Variants in DENND1A observed in about 807,000 individuals in gnomAD.
The protein encoded by DENND1A is DENN domain containing 1A.
In DENND1A, 51 loss-of-function variants were observed where a neutral mutation model predicts 113.7. The observed-to-expected ratio is 0.45, with a 90% CI of 0.36 to 0.57. The LOEUF (loss-of-function observed/expected upper bound fraction) is 0.57. Ranked by LOEUF, DENND1A falls within the 20% of genes least tolerant of loss-of-function variation. The pLI, the probability that DENND1A is intolerant of heterozygous loss-of-function variation, is 0.00. For synonymous variants in DENND1A, 565 were observed against 570.8 expected (o/e 0.99, Z 0.14); for missense variants, 1,258 against 1,395.9 (o/e 0.90, Z 1.57).
Position 123,929,865 on chromosome 9 carries a change from T to TCCGCCCGGCCCGGCC in DENND1A, c.17+9_17+23dup, listed in dbSNP as rs1857736124. On this transcript the variant is annotated intron_variant, in intron 1 of 23. Transcript: ENST00000394215. ...CTCGCCGCCCCGCGCCCGGCCCGGC[T>TCCGCCCGGCCCGGCC]CCGCCCGGCCCGGCCGCACTCACTT... is the stretch of plus-strand genomic sequence containing the variant. The TCCGCCCGGCCCGGCC allele has an allele frequency of 1.6e-5, 4 of 256,934 alleles. No homozygotes were observed. In the South Asian group the frequency reaches 3.4e-4, roughly 22 times the overall value. The allele number at this position is 256,934 out of a possible 1,614,324, so 15.9% of individuals were successfully genotyped here.
intron 12 of DENND1A, among the ~76,000 whole-genome samples, chr9:123,559,997 C>G (rs959288396): frequency 8.4e-6 from 1 of 118,574 alleles, no homozygotes; most frequent in Non-Finnish European, 1.6e-5. Flanking sequence ...CAAGGTTCGT[C>G]CATGTTGTAG....
chr9:123,845,470 G>A (rs894732789), intron 2 of DENND1A, among the ~76,000 whole-genome samples: 3 of 151,814 alleles, frequency 2.0e-5, no homozygotes, highest in Non-Finnish European at 4.4e-5. Flanking sequence ...TTCAAGACCA[G>A]CCTGGCCAAA....
chr9:123,398,726 C>T (rs978869705), intron 21 of DENND1A, among the ~76,000 whole-genome samples: 7 of 151,040 alleles, frequency 4.6e-5, no homozygotes, highest in Admixed American at 1.3e-4. Context: ...TTACCTATAC[C>T]TGGCAGACCA....
intron 3 of DENND1A, among the ~76,000 whole-genome samples, chr9:123,787,765 T>C (rs1832406031): frequency 6.6e-6 from 1 of 152,190 alleles, no homozygotes; most frequent in South Asian, 2.1e-4. Flanking sequence ...ATAGGCAATA[T>C]AAAACCTTAA....
intron 5 of DENND1A, among the ~76,000 whole-genome samples, chr9:123,744,716 G>T (rs1189277091): frequency 6.7e-6 from 1 of 149,220 alleles, no homozygotes; most frequent in Non-Finnish European, 1.5e-5. Flanking sequence ...TATACTATGT[G>T]ATGTGGTGAG....
chr9:123,809,940 G>A (rs1439539707), intron 2 of DENND1A, among the ~76,000 whole-genome samples: 1 of 152,178 alleles, frequency 6.6e-6, no homozygotes, highest in Non-Finnish European at 1.5e-5. Flanking sequence ...CTCCCAAAGT[G>A]CTGGGATTTA....
intron 12 of DENND1A, among the ~76,000 whole-genome samples, chr9:123,574,402 T>C (rs1385651321): frequency 2.0e-5 from 3 of 152,184 alleles, no homozygotes; most frequent in African/African-American, 7.2e-5. Context: ...AATTCTTTAA[T>C]AGAAATAGTG....
rs914854979 is a variant in DENND1A at position 123,382,099 on chromosome 9, G to A, written c.2546C>T (p.Pro849Leu). 5.8e-6 allele frequency: 9 copies of A among 1,552,124 alleles called. No homozygotes were observed. Among genetic ancestry groups the A allele is most frequent in the South Asian group, 1.2e-5 (1 of 81,104 alleles). ...SSDALLALLD[P>L]LSTAWSGSTL... Reference sequence around the variant, plus strand: ...GCTGCCTGACCAGGCTGTGCTGAGCGGGTCCAGGAGGGCGAGCAGGGCGTC... The same window carrying A: ...GCTGCCTGACCAGGCTGTGCTGAGCAGGTCCAGGAGGGCGAGCAGGGCGTC... Residue 849 changes from proline (P) to leucine (L), a missense_variant, in exon 24 of 24, where the codon CCG (proline) becomes CTG (leucine). Physicochemically the swap from Pro to Leu is moderately conservative, Grantham distance 98. This residue lies in a region of DENND1A where 1,159 missense variants were observed against 1,231.7 expected (regional missense o/e 0.94). Coordinates refer to ENST00000394215, the MANE Select transcript of DENND1A (RefSeq NM_001352964.2).
intron 1 of DENND1A, among the ~76,000 whole-genome samples, chr9:123,913,772 G>A (rs1214041913): frequency 6.6e-6 from 1 of 151,756 alleles, no homozygotes; most frequent in Non-Finnish European, 1.5e-5. Context: ...AGCCATGGTG[G>A]TGCATGCCTG....
At chr9:123,397,605 C>T (rs539756834) in intron 21 of DENND1A, among the ~76,000 whole-genome samples, 1 of 152,298 alleles carries the variant, frequency 6.6e-6, no homozygotes, top group Admixed American at 6.5e-5. Flanking sequence ...TACAGAGACA[C>T]ACGGAACAAG....
At chr9:123,769,662 G>T (rs1048064596) in intron 3 of DENND1A, 99 bp from the exon 4 acceptor site, 29 of 965,396 alleles carry the variant, frequency 3.0e-5, no homozygotes, top group Non-Finnish European at 4.2e-5. Flanking sequence ...TAAAGAAAGA[G>T]GAGACAGATG....
intron 2 of DENND1A, among the ~76,000 whole-genome samples, chr9:123,806,504 G>A (rs566202025): frequency 6.6e-6 from 1 of 152,216 alleles, no homozygotes; most frequent in South Asian, 2.1e-4. Flanking sequence ...TGATCTGCCC[G>A]CCTCGGTCTC....
intron 2 of DENND1A, among the ~76,000 whole-genome samples, chr9:123,830,790 C>T (rs1435982955): frequency 6.8e-6 from 1 of 146,998 alleles, no homozygotes; most frequent in Non-Finnish European, 1.5e-5. Context: ...CACTTGAACC[C>T]GGGAGGCAGA....
chr9:123,740,942 G>GAGAGAGAGAA (rs2068971187), intron 5 of DENND1A, among the ~76,000 whole-genome samples: 1 of 146,670 alleles, frequency 6.8e-6, no homozygotes, highest in Non-Finnish European at 1.5e-5. Flanking sequence ...GAGAGAGAGA[G>GAGAGAGAGAA]TATGGACAGG....
At chr9:123,617,240 G>C (rs1410763933) in intron 10 of DENND1A, among the ~76,000 whole-genome samples, 2 of 152,204 alleles carry the variant, frequency 1.3e-5, no homozygotes, top group Non-Finnish European at 2.9e-5. Context: ...TCCATGAGGA[G>C]ACCAGGAATA....
intron 3 of DENND1A, among the ~76,000 whole-genome samples, chr9:123,779,126 T>C (rs1314610058): frequency 1.3e-5 from 2 of 152,204 alleles, no homozygotes; most frequent in South Asian, 2.1e-4. Context: ...TCATGCTCTA[T>C]GGATAATGGA....
intron 2 of DENND1A, among the ~76,000 whole-genome samples, chr9:123,870,284 T>C (rs2133407386): frequency 6.6e-6 from 1 of 151,688 alleles, no homozygotes; most frequent in South Asian, 2.1e-4. Flanking sequence ...TTTTTTTTTT[T>C]TCTGAGATGG....
At chr9:123,482,961 A>G (rs142247817) in intron 13 of DENND1A, among the ~76,000 whole-genome samples, 1 of 152,280 alleles carries the variant, frequency 6.6e-6, no homozygotes, top group East Asian at 1.9e-4. Flanking sequence ...GGGAACCCTA[A>G]AATTTGGGTG....
intron 2 of DENND1A, among the ~76,000 whole-genome samples, chr9:123,855,840 C>G (rs1444242864): frequency 4.6e-5 from 7 of 152,000 alleles, no homozygotes; most frequent in Admixed American, 3.3e-4. Flanking sequence ...GAGTTCAAGA[C>G]CAGCCTGACC....
Sources: allele counts gnomAD v4.1 joint callset (sites outside exome capture counted in the v4.1 genomes callset), GRCh38; gene constraint gnomAD v4.1.1; regional missense constraint gnomAD v4.1.1; transcripts MANE v1.5; gene names NCBI Gene and HGNC (gene_info 2026-07-23, HGNC 2026-07-21).